YLPM1: variants seen among roughly 807,000 people sequenced by gnomAD.
YLPM1 encodes YLP motif-containing protein 1.
YLPM1 carries 99 observed loss-of-function variants against 230.0 expected under a neutral mutation model. That is an observed-to-expected ratio of 0.43 (90% CI 0.37 to 0.51). The LOEUF (loss-of-function observed/expected upper bound fraction) is 0.51. Ranked by LOEUF, YLPM1 falls within the 20% of genes least tolerant of loss-of-function variation. The pLI is 0.00. For missense variants in YLPM1, 2,592 were observed against 2,707.7 expected, an observed-to-expected ratio of 0.96 and a Z score of 0.95; for synonymous variants, 984 against 942.5, an observed-to-expected ratio of 1.04 and a Z score of -0.81.
chr14:74,804,548 T>G (rs1011900862), intron 6 of YLPM1, among the ~76,000 whole-genome samples: 1 of 152,232 alleles, frequency 6.6e-6, no homozygotes, highest in African/African-American at 2.4e-5. Context: ...CCTAGAGTCT[T>G]TTCTTTGCCT....
Position 74,780,449 on chromosome 14 carries a change from TGCAGCAGCACACTGGCA to T in YLPM1, c.1162_1178del (p.Ala388ProfsTer49). ...ATGCCAGGTTAAAGCAGTTGCAGGCTGCAGCAGCACACTGGCAGCAGCACCAGCAGCATCGAGTCGGT... is the reference window on the plus strand; with the variant it reads ...ATGCCAGGTTAAAGCAGTTGCAGGCTGCAGCACCAGCAGCATCGAGTCGGT... On this transcript the variant is annotated frameshift_variant, in exon 3 of 21. Transcript: ENST00000325680. LOFTEE classifies it high-confidence loss of function. 1 of 1,613,896 alleles carries T rather than the reference TGCAGCAGCACACTGGCA, an allele frequency of 6.2e-7. No individual in the cohort carries two copies. The highest frequency in any genetic ancestry group is 8.5e-7 in the Non-Finnish European group (1 of 1,179,812).
At chr14:74,792,999 T>A (rs1051584276) in intron 4 of YLPM1, among the ~76,000 whole-genome samples, 1 of 152,246 alleles carries the variant, frequency 6.6e-6, no homozygotes, top group Non-Finnish European at 1.5e-5. Flanking sequence ...AAGATAATTA[T>A]TCCTCAAGGT....
chr14:74,821,062 G>A lies in YLPM1; in HGVS notation c.6036G>A (p.Glu2012=), dbSNP rs746427506. The part of the protein sequence containing the change: ...LLQDAAIEEV[E]MEDFDANIEE... The stretch of plus-strand genomic sequence containing the variant: ...TTTTTTAATGGTTGGTATAGGTAGA[G>A]ATGGAAGATTTTGATGCAAATATCG... The change falls in exon 17 of 21, where the codon GAG becomes GAA. Residue 2012 remains glutamate (E), a synonymous_variant. Coordinates refer to ENST00000325680, the MANE Select transcript of YLPM1 (RefSeq NM_019589.3). 6.6e-7 allele frequency: 1 copy of A among 1,519,728 alleles called. No homozygotes were observed. Among genetic ancestry groups the A allele is most frequent in the Non-Finnish European group, 8.8e-7 (1 of 1,134,456 alleles). 94.1% of individuals were successfully genotyped at this position (1,519,728 alleles called of 1,614,324 possible).
chr14:74,776,102 T>C (rs922066409), intron 1 of YLPM1, among the ~76,000 whole-genome samples: 3 of 152,098 alleles, frequency 2.0e-5, no homozygotes, highest in Non-Finnish European at 2.9e-5. Context: ...GGAAATTATA[T>C]AATACTAGGA....
chr14:74,787,285 G>A (rs1198916964), intron 4 of YLPM1, among the ~76,000 whole-genome samples: 1 of 152,142 alleles, frequency 6.6e-6, no homozygotes, highest in African/African-American at 2.4e-5. Context: ...GCTGCATGCT[G>A]GGTACAGTGG....
chr14:74,769,138 C>T (rs550996255), intron 1 of YLPM1, among the ~76,000 whole-genome samples: 7 of 151,178 alleles, frequency 4.6e-5, no homozygotes, highest in Non-Finnish European at 7.4e-5. Flanking sequence ...TGCAGTGGCG[C>T]GATCTCGGCT....
intron 11 of YLPM1, among the ~76,000 whole-genome samples, 155 bp downstream of exon 11, chr14:74,812,937 A>G (rs533671867): frequency 2.1e-4 from 32 of 152,226 alleles, no homozygotes; most frequent in Admixed American, 5.2e-4. Context: ...AATCTCATAA[A>G]TGGCCTACAC....
intron 17 of YLPM1, chr14:74,821,405 T>A (rs1452032507): frequency 3.4e-6 from 1 of 293,110 alleles, no homozygotes; most frequent in Admixed American, 5.2e-5. Flanking sequence ...TTTAGGGGAG[T>A]ATACCTTTTA....
At chr14:74,820,518 G>T (rs1246059423) in intron 16 of YLPM1, among the ~76,000 whole-genome samples, 1 of 152,106 alleles carries the variant, frequency 6.6e-6, no homozygotes, top group Non-Finnish European at 1.5e-5. Context: ...AAAGTGCTGG[G>T]ATTATAGGCG....
Position 74,802,611 on chromosome 14 carries a change from G to T in YLPM1, c.4456G>T (p.Ala1486Ser). The change falls in exon 6 of 21, where the codon GCT (alanine) becomes TCT (serine). Residue 1486 changes from alanine (A) to serine (S), a missense_variant. This residue lies in a region of YLPM1 where 403 missense variants were observed against 426.7 expected (regional missense o/e 0.94). Transcript: ENST00000325680. ...AGACTTCGGGTCTGAGCCACAGATGGCTGACCATCTACCACCTCAGGAATC... is the reference window on the plus strand; with the variant it reads ...AGACTTCGGGTCTGAGCCACAGATGTCTGACCATCTACCACCTCAGGAATC... ...MKDFGSEPQM[A>S]DHLPPQESRL... 1 of 1,613,402 alleles carries T rather than the reference G, an allele frequency of 6.2e-7. No homozygotes were observed. The highest frequency in any genetic ancestry group is 8.5e-7 in the Non-Finnish European group (1 of 1,179,686).
In YLPM1 at chr14:74,781,465, G is replaced by A; in HGVS notation, c.1422G>A (p.Gln474=). 6.2e-7 allele frequency: 1 copy of A among 1,613,304 alleles called. No individual in the cohort carries two copies. The highest frequency in any genetic ancestry group is 8.5e-7 in the Non-Finnish European group (1 of 1,179,580). ...TCCATTCCTATCCTCATAAAGATCA[G>A]CTTCAGGAGTATGAGAAGCAGTGGA... ...EQLHSYPHKD[Q]LQEYEKQWKT... The change falls in exon 4 of 21, where the codon CAG becomes CAA. Residue 474 remains glutamine, a synonymous_variant. Coordinates refer to ENST00000325680, the MANE Select transcript of YLPM1 (RefSeq NM_019589.3).
intron 1 of YLPM1, among the ~76,000 whole-genome samples, chr14:74,776,424 G>C (rs936268062): frequency 6.6e-6 from 1 of 152,176 alleles, no homozygotes; most frequent in African/African-American, 2.4e-5. Context: ...CAGCACTGTA[G>C]CACTTGTCCG....
At position 74,763,568 on chromosome 14, in the gene YLPM1, C is replaced by G. The variant is rs1026151565; in HGVS notation, c.79C>G (p.Leu27Val). 6.4e-6 allele frequency: 10 copies of G among 1,573,430 alleles called. No individual in the cohort carries two copies. The Admixed American group carries it at 1.6e-4, about 25-fold the overall frequency. The change falls in exon 1 of 21, where the codon CTT (leucine) becomes GTT (valine). Residue 27 changes from leucine (L) to valine (V), a missense_variant. Leu to Val is a conservative substitution (Grantham distance 32). Coordinates refer to ENST00000325680, the MANE Select transcript of YLPM1 (RefSeq NM_019589.3). ...PPVPPPPPVA[L>V]PEASPGPGYS... ...GGTCCCACCGCCGCCGCCAGTGGCG[C>G]TTCCTGAGGCCTCGCCGGGGCCCGG...
chr14:74,782,387 G>T, intron 4 of YLPM1, 62 bp downstream of exon 4: 1 of 1,456,470 alleles, frequency 6.9e-7, no homozygotes, highest in South Asian at 1.6e-5. Context: ...TAGGCTATTT[G>T]GTTCTCGATG....
In YLPM1 at chr14:74,813,746, G is replaced by A. The variant is rs189547548; in HGVS notation, c.5502+964G>A. Among the ~76,000 whole-genome samples, 19 of 152,094 alleles carry A rather than the reference G, an allele frequency of 1.2e-4. No individual in the cohort carries two copies. In the East Asian group the frequency reaches 1.4e-3, roughly 11 times the overall value. On this transcript the variant is annotated intron_variant, in intron 11 of 20. Transcript: ENST00000325680. ...CCCTGTAGTAAAGTTATTATTGATG[G>A]CTTAATTTCATTTTTGGATTGTTCC...
At chr14:74,817,391 T>C in intron 15 of YLPM1, 114 bp downstream of exon 15, 2 of 1,002,784 alleles carry the variant, frequency 2.0e-6, no homozygotes, top group Non-Finnish European at 2.9e-6. Context: ...GTATTTTTAT[T>C]GTACCTTTTC....
chr14:74,809,175 A>G (rs1043744349), intron 6 of YLPM1, among the ~76,000 whole-genome samples: 2 of 150,732 alleles, frequency 1.3e-5, no homozygotes, highest in Middle Eastern at 3.2e-3. Flanking sequence ...CAAGTTCTTT[A>G]TCAAATATAA....
chr14:74,781,988 G>T lies in YLPM1; in HGVS notation c.1945G>T (p.Ala649Ser). 1 of 1,613,684 alleles carries T rather than the reference G, an allele frequency of 6.2e-7. No homozygotes were observed. Among genetic ancestry groups the T allele is most frequent in the Non-Finnish European group, 8.5e-7 (1 of 1,179,754 alleles). ...PQGIPPQLTA[A>S]PVPPASSSQS... ...AGGGATACCTCCTCAGTTAACAGCAGCCCCAGTTCCACCAGCCTCCAGTTC... is the reference window on the plus strand; with the variant it reads ...AGGGATACCTCCTCAGTTAACAGCATCCCCAGTTCCACCAGCCTCCAGTTC... Residue 649 changes from alanine to serine, a missense_variant, in exon 4 of 21, where the codon GCC becomes TCC. Transcript: ENST00000325680.
chr14:74,819,706 T>C (rs758984575), intron 16 of YLPM1, among the ~76,000 whole-genome samples: 4 of 152,234 alleles, frequency 2.6e-5, no homozygotes, highest in Non-Finnish European at 5.9e-5. Flanking sequence ...TCTCATTTCC[T>C]CTATTGATTA....
Sources: allele counts gnomAD v4.1 joint callset (sites outside exome capture counted in the v4.1 genomes callset), GRCh38; gene constraint gnomAD v4.1.1; regional missense constraint gnomAD v4.1.1; transcripts MANE v1.5; gene names NCBI Gene and HGNC (gene_info 2026-07-23, HGNC 2026-07-21).